STXBP4: variants seen among roughly 807,000 people sequenced by gnomAD.
The protein encoded by STXBP4 is syntaxin binding protein 4.
A neutral mutation model predicts 76.1 loss-of-function variants in STXBP4; 55 were observed. The observed-to-expected ratio is 0.72, with a 90% CI of 0.58 to 0.91. The LOEUF (loss-of-function observed/expected upper bound fraction) is 0.91, where lower values mean the gene tolerates loss of function less well. STXBP4 is among the 40% of genes least tolerant of loss of function. The probability of loss-of-function intolerance (pLI) is 0.00; values close to 1 mark genes in which losing one functional copy is unlikely to be tolerated. For missense variants in STXBP4, 618 were observed against 636.9 expected, an observed-to-expected ratio of 0.97 and a Z score of 0.32; for synonymous variants, 201 against 220.2, an observed-to-expected ratio of 0.91 and a Z score of 0.77.
chr17:55,199,620 T>A, the STXBP4 span, among the ~76,000 whole-genome samples: 5 of 152,234 alleles, frequency 3.3e-5, no homozygotes, highest in African/African-American at 1.2e-4. Flanking sequence ...CAGATTTCCC[T>A]GAGTGGTAAT....
chr17:55,137,943 T>C (rs2080053038), intron 16 of STXBP4, among the ~76,000 whole-genome samples: 2 of 152,170 alleles, frequency 1.3e-5, no homozygotes, highest in South Asian at 4.1e-4. Context: ...TGGTATCTCA[T>C]AATAACTTTT....
chr17:54,969,486 A>G (rs902704876), intron 1 of STXBP4, among the ~76,000 whole-genome samples: 3 of 152,236 alleles, frequency 2.0e-5, no homozygotes, highest in Non-Finnish European at 4.4e-5. Context: ...GGTCCTCACC[A>G]TGGCCCTGTG....
chr17:55,064,977 A>G (rs2144838036), intron 12 of STXBP4, among the ~76,000 whole-genome samples: 1 of 152,274 alleles, frequency 6.6e-6, no homozygotes, highest in African/African-American at 2.4e-5. Context: ...GTATGAGATG[A>G]GGGTCTACAC....
At chr17:55,180,999 A>C in the STXBP4 span, among the ~76,000 whole-genome samples, 1 of 152,248 alleles carries the variant, frequency 6.6e-6, no homozygotes, top group Non-Finnish European at 1.5e-5. Flanking sequence ...AGAGCTGAGT[A>C]TACTTCAATT....
At chr17:55,208,182 G>C in the STXBP4 span, among the ~76,000 whole-genome samples, 1 of 151,690 alleles carries the variant, frequency 6.6e-6, no homozygotes, top group African/African-American at 2.4e-5. Context: ...TCTAATCTGG[G>C]CTTGGCTTAA....
chr17:54,990,814 C>T lies in STXBP4; in HGVS notation c.48-11C>T. The stretch of plus-strand genomic sequence containing the variant: ...AGACTAACCTGTGTGTGCTAATTTA[C>T]TTTATCTTAGGGATCCTGCCTTTCA... On this transcript the variant is annotated splice_polypyrimidine_tract_variant and intron_variant, in intron 3 of 17. Coordinates refer to ENST00000376352, the MANE Select transcript of STXBP4 (RefSeq NM_178509.6). The T allele has an allele frequency of 6.3e-7, 1 of 1,592,456 alleles. No individual in the cohort carries two copies. Among genetic ancestry groups the T allele is most frequent in the Non-Finnish European group, 8.5e-7 (1 of 1,173,084 alleles).
chr17:55,193,579 G>A, the STXBP4 span, among the ~76,000 whole-genome samples: 1 of 151,932 alleles, frequency 6.6e-6, no homozygotes, highest in Non-Finnish European at 1.5e-5. Flanking sequence ...AGGAAATGGT[G>A]AATTGAGAAG....
rs909747380 is a variant in STXBP4, at chr17:55,164,058, T to A, written c.*4147T>A. On this transcript the variant is annotated 3_prime_UTR_variant, in exon 18 of 18. Transcript: ENST00000376352. ...CATTTTTACAATGTACATAAAGAAC[T>A]GAACTATTATTAAAACAACTTACAC... 2.6e-5 allele frequency: 4 copies of A among 152,616 alleles called. No homozygotes were observed. Among genetic ancestry groups the A allele is most frequent in the African/African-American group, 9.7e-5 (4 of 41,448 alleles). The allele number at this position is 152,616 out of a possible 1,614,324, so 9.5% of individuals were successfully genotyped here.
At chr17:55,159,717 A>T in intron 17 of STXBP4, 80 bp from the exon 18 acceptor site, 1 of 884,334 alleles carries the variant, frequency 1.1e-6, no homozygotes, top group Non-Finnish European at 1.8e-6. Flanking sequence ...GGTAGAAGCA[A>T]TGTCACCAGG....
At chr17:55,057,491 C>T (rs1268128311) in intron 12 of STXBP4, among the ~76,000 whole-genome samples, 1 of 152,086 alleles carries the variant, frequency 6.6e-6, no homozygotes, top group African/African-American at 2.4e-5. Flanking sequence ...AACAATAAAG[C>T]AGCCTCTTTC....
In STXBP4 at chr17:54,999,733, A is replaced by G. The variant is rs2077877128; in HGVS notation, c.389A>G (p.Tyr130Cys). The change falls in exon 6 of 18, where the codon TAT (tyrosine) becomes TGT (cysteine). Residue 130 changes from tyrosine (Y) to cysteine (C), a missense_variant. Physicochemically the swap from Tyr to Cys is radical, Grantham distance 194. Coordinates refer to ENST00000376352, the MANE Select transcript of STXBP4 (RefSeq NM_178509.6). ...TCACTTATAGAAGCTTCAGGAGAAT[A>G]TGGACCTCAAGCCTCAACATTAAGT... ...CTSLIEASGE[Y>C]GPQASTLSLF... The G allele has an allele frequency of 6.2e-7, 1 of 1,613,646 alleles. No individual in the cohort carries two copies. The highest frequency in any genetic ancestry group is 1.7e-5 in the Admixed American group (1 of 59,986).
rs2080401739 is a variant in STXBP4 at position 55,170,737 on chromosome 17, T to C, written c.*10826T>C. On this transcript the variant is annotated 3_prime_UTR_variant, in exon 18 of 18. Coordinates refer to ENST00000376352, the MANE Select transcript of STXBP4 (RefSeq NM_178509.6). ...CCTGCATTGTCAATAACTAAATTGA[T>C]TATTGTGGAAACAACAAAAAAATTC... 6.6e-6 allele frequency: 1 copy of C among 152,210 alleles called. No individual in the cohort carries two copies. Among genetic ancestry groups the C allele is most frequent in the Non-Finnish European group, 1.5e-5 (1 of 68,028 alleles). The allele number at this position is 152,210 out of a possible 1,614,324, so 9.4% of individuals were successfully genotyped here.
At chr17:55,144,109 C>T (rs778512044) in intron 17 of STXBP4, among the ~76,000 whole-genome samples, 12 of 152,008 alleles carry the variant, frequency 7.9e-5, no homozygotes, top group Non-Finnish European at 1.8e-4. Context: ...ACAAGAAAGA[C>T]ACTTCAAACA....
intron 8 of STXBP4, among the ~76,000 whole-genome samples, chr17:55,011,073 C>T (rs2078100988): frequency 6.6e-6 from 1 of 152,042 alleles, no homozygotes; most frequent in Non-Finnish European, 1.5e-5. Context: ...ATGTGGTATT[C>T]TTCTAGTGTG....
chr17:55,191,728 T>C, the STXBP4 span, among the ~76,000 whole-genome samples: 2 of 152,268 alleles, frequency 1.3e-5, no homozygotes, highest in Non-Finnish European at 2.9e-5. Context: ...ATACCAACAA[T>C]CAATTCTCTG....
chr17:55,045,064 A>G (rs1294183631), intron 11 of STXBP4, among the ~76,000 whole-genome samples: 4 of 152,126 alleles, frequency 2.6e-5, no homozygotes, highest in Admixed American at 2.0e-4. Flanking sequence ...GCATTTGTAC[A>G]GTATATACAC....
chr17:55,032,724 G>A (rs1459115330), intron 9 of STXBP4, among the ~76,000 whole-genome samples: 1 of 152,154 alleles, frequency 6.6e-6, no homozygotes, highest in Non-Finnish European at 1.5e-5. Flanking sequence ...AAGGGAGTTT[G>A]TGGAGTATAT....
intron 16 of STXBP4, among the ~76,000 whole-genome samples, chr17:55,109,989 A>G (rs1027214210): frequency 2.0e-5 from 3 of 152,210 alleles, no homozygotes; most frequent in Non-Finnish European, 4.4e-5. Flanking sequence ...TCTAGAAGTC[A>G]GAAGTTCAAA....
intron 15 of STXBP4, among the ~76,000 whole-genome samples, chr17:55,080,460 A>G (rs550250329): frequency 6.6e-6 from 1 of 152,234 alleles, no homozygotes; most frequent in African/African-American, 2.4e-5. Flanking sequence ...TTTTTCAAGT[A>G]AGTTTTAGTG....
Sources: gnomAD v4.1 joint callset for allele counts (sites outside exome capture counted in the v4.1 genomes callset) on GRCh38, gnomAD v4.1.1 for gene constraint, MANE v1.5 for transcripts, NCBI Gene and HGNC (gene_info 2026-07-23, HGNC 2026-07-21) for gene names.